ARID1B: variants seen among roughly 807,000 people sequenced by gnomAD.
The protein encoded by ARID1B is AT-rich interaction domain 1B, also known as AT-rich interactive domain-containing protein 1B.
In ARID1B, 30 loss-of-function variants were observed where a neutral mutation model predicts 212.3. The observed-to-expected ratio is 0.14, with a 90% CI of 0.11 to 0.19. The LOEUF (loss-of-function observed/expected upper bound fraction) is 0.19, where lower values mean the gene tolerates loss of function less well. ARID1B is among the 10% of genes least tolerant of loss of function. The pLI is 1.00. For missense variants in ARID1B, 2,891 were observed against 3,204.0 expected (o/e 0.90, Z 2.36); for synonymous variants, 1,402 against 1,301.7 (o/e 1.08, Z -1.66).
chr6:156,834,859 C>T (rs9480394), intron 2 of ARID1B, among the ~76,000 whole-genome samples: 1 of 152,224 alleles, frequency 6.6e-6, no homozygotes, highest in African/African-American at 2.4e-5. Context: ...ACATTTATAC[C>T]TCACATTTCT....
intron 4 of ARID1B, among the ~76,000 whole-genome samples, chr6:157,042,164 C>G (rs1242997922): frequency 6.6e-6 from 1 of 152,168 alleles, no homozygotes; most frequent in Non-Finnish European, 1.5e-5. Flanking sequence ...CTTAAATATC[C>G]TGCCGAATGA....
chr6:156,868,894 T>C (rs1785909500), intron 2 of ARID1B, among the ~76,000 whole-genome samples: 1 of 151,852 alleles, frequency 6.6e-6, no homozygotes, highest in African/African-American at 2.4e-5. Context: ...GTTTTGCTAA[T>C]GTGAAAGAAG....
chr6:157,038,967 G>T (rs1276626479), intron 4 of ARID1B, among the ~76,000 whole-genome samples: 2 of 151,876 alleles, frequency 1.3e-5, no homozygotes, highest in African/African-American at 4.8e-5. Flanking sequence ...GCAGCGGCGC[G>T]ATCATGGCTC....
At chr6:156,960,931 A>AAACAAACAAAACCAATGC (rs1794330783) in intron 4 of ARID1B, among the ~76,000 whole-genome samples, 2 of 152,124 alleles carry the variant, frequency 1.3e-5, no homozygotes, top group South Asian at 4.1e-4. Context: ...GTGCCATTTA[A>AAACAAACAAAACCAATGC]AACAAACAAA....
In ARID1B at chr6:156,784,822, C is replaced by T. The variant is rs74676677; in HGVS notation, c.1791+5351C>T. On this transcript the variant is annotated intron_variant, in intron 1 of 19. Coordinates refer to ENST00000636930, the MANE Select transcript of ARID1B (RefSeq NM_001374828.1). ...CCACCCAGGTTGGAGTGCAGTGGCG[C>T]GATCTTGGCTCACTGTGGCCTTGAC... 1.6e-3 allele frequency among the ~76,000 whole-genome samples: 248 copies of T among 152,258 alleles called. 3 individuals carry two copies. In the East Asian group the frequency reaches 0.043, roughly 26 times the overall value.
intron 4 of ARID1B, among the ~76,000 whole-genome samples, chr6:156,946,026 A>C (rs1450584339): frequency 6.6e-6 from 1 of 151,980 alleles, no homozygotes; most frequent in African/African-American, 2.4e-5. Flanking sequence ...ACAAAGGTGA[A>C]AATATTAGTT....
At chr6:157,184,511 C>T in intron 13 of ARID1B, 76 bp downstream of exon 13, 1 of 1,542,256 alleles carries the variant, frequency 6.5e-7, no homozygotes, top group Non-Finnish European at 8.9e-7. Context: ...AAGGTGGTTT[C>T]ACAGTCAGGC....
rs1370386292 is a variant in ARID1B at position 156,777,884 on chromosome 6, G to C, written c.204G>C (p.Leu68=). ...LGGGGDGGGG[L]NSVHHHPLLP... ...GCGGCGGCGACGGCGGCGGCGGCCT[G>C]AACAGTGTGCACCACCACCCCCTGC... The change falls in exon 1 of 20, where the codon CTG becomes CTC. Residue 68 remains leucine (L), a synonymous_variant. Coordinates refer to ENST00000636930, the MANE Select transcript of ARID1B (RefSeq NM_001374828.1). 1 of 1,456,378 alleles carries C rather than the reference G, an allele frequency of 6.9e-7. No homozygotes were observed. The highest frequency in any genetic ancestry group is 1.4e-5 in the South Asian group (1 of 72,380). The allele number at this position is 1,456,378 out of a possible 1,614,324, so 90.2% of individuals were successfully genotyped here.
chr6:156,926,062 A>C (rs17087906), intron 3 of ARID1B, among the ~76,000 whole-genome samples: 2,488 of 152,300 alleles, frequency 0.016, 62 homozygotes, highest in African/African-American at 0.056. Context: ...AGGTCCTTAG[A>C]AGAGATCTGT....
At chr6:156,981,769 A>T (rs1228029669) in intron 4 of ARID1B, among the ~76,000 whole-genome samples, 1 of 152,114 alleles carries the variant, frequency 6.6e-6, no homozygotes, top group Non-Finnish European at 1.5e-5. Flanking sequence ...TAATACTATA[A>T]TAACTTAGTT....
chr6:156,944,768 T>C (rs1447894547), intron 4 of ARID1B, among the ~76,000 whole-genome samples: 1 of 152,060 alleles, frequency 6.6e-6, no homozygotes, highest in African/African-American at 2.4e-5. Flanking sequence ...ATAAACACAC[T>C]ATGCTTTTTA....
chr6:157,184,587 C>G (rs1446501559), intron 13 of ARID1B, 152 bp downstream of exon 13: 2 of 852,608 alleles, frequency 2.3e-6, no homozygotes, highest in Non-Finnish European at 3.7e-6. Flanking sequence ...TTTAATTGGA[C>G]GCCCACTGGC....
intron 1 of ARID1B, among the ~76,000 whole-genome samples, chr6:156,828,732 C>CTTTTCACTTTTTTT (rs1467084784): frequency 1.3e-5 from 2 of 152,202 alleles, no homozygotes; most frequent in Non-Finnish European, 2.9e-5. Flanking sequence ...TAAAATCTAT[C>CTTTTCACTTTTTTT]TTTTCACTTT....
chr6:156,948,059 C>T (rs1793292447), intron 4 of ARID1B, among the ~76,000 whole-genome samples: 1 of 152,168 alleles, frequency 6.6e-6, no homozygotes, highest in African/African-American at 2.4e-5. Flanking sequence ...ATGGTGCCAC[C>T]ATGGTGTCCT....
chr6:157,075,329 G>C (rs1020404434), intron 4 of ARID1B, among the ~76,000 whole-genome samples: 1 of 152,170 alleles, frequency 6.6e-6, no homozygotes, highest in African/African-American at 2.4e-5. Flanking sequence ...ATCTAGTTAA[G>C]CTAATCATGT....
chr6:157,006,554 AAC>A lies in ARID1B; in HGVS notation c.2247+70984_2247+70985del, dbSNP rs145355918. On this transcript the variant is annotated intron_variant, in intron 4 of 19. Transcript: ENST00000636930. ...TTAATAACTAACCTAGTTACCAGTAAACACACAGTTTTAATTTATTTCAGTTA... is the reference window on the plus strand; with the variant it reads ...TTAATAACTAACCTAGTTACCAGTAAACACAGTTTTAATTTATTTCAGTTA... Among the ~76,000 whole-genome samples, 1,119 of 152,320 alleles carry A rather than the reference AAC, an allele frequency of 7.3e-3. 19 individuals carry two copies. The highest frequency in any genetic ancestry group is 0.025 in the African/African-American group (1,038 of 41,556).
chr6:156,810,359 C>G (rs1018575920), intron 1 of ARID1B, among the ~76,000 whole-genome samples: 1 of 152,158 alleles, frequency 6.6e-6, no homozygotes. Context: ...AAAGATCCAC[C>G]TGCCAGCCTG....
intron 1 of ARID1B, among the ~76,000 whole-genome samples, chr6:156,826,304 C>A (rs551886904): frequency 6.6e-6 from 1 of 152,206 alleles, no homozygotes; most frequent in Non-Finnish European, 1.5e-5. Flanking sequence ...CTATAGGAAG[C>A]CTTTGTTAAA....
At chr6:156,929,072 G>T (rs1186303625) in intron 3 of ARID1B, among the ~76,000 whole-genome samples, 1 of 152,158 alleles carries the variant, frequency 6.6e-6, no homozygotes, top group African/African-American at 2.4e-5. Context: ...TCATAAGCTA[G>T]CTCTGCAAAT....
Sources: allele counts gnomAD v4.1 joint callset (sites outside exome capture counted in the v4.1 genomes callset), GRCh38; gene constraint gnomAD v4.1.1; transcripts MANE v1.5; gene names NCBI Gene and HGNC (gene_info 2026-07-23, HGNC 2026-07-21).